Variants in PAN3 observed in about 807,000 individuals in gnomAD.
PAN3 encodes the protein poly(A) specific ribonuclease subunit PAN3.
A neutral mutation model predicts 96.2 loss-of-function variants in PAN3; 19 were observed. The observed-to-expected ratio is 0.20, with a 90% CI of 0.14 to 0.29. The LOEUF (loss-of-function observed/expected upper bound fraction) is 0.29, where lower values mean the gene tolerates loss of function less well. Ranked by LOEUF, PAN3 falls within the 10% of genes least tolerant of loss-of-function variation. PAN3 has a pLI of 1.00. For synonymous variants in PAN3, 433 were observed against 406.6 expected (o/e 1.06, Z -0.78); for missense variants, 882 against 1,108.1 (o/e 0.80, Z 2.90).
chr13:28,239,064 T>A (rs1381503454), intron 6 of PAN3, among the ~76,000 whole-genome samples: 1 of 151,928 alleles, frequency 6.6e-6, no homozygotes, highest in East Asian at 1.9e-4. Flanking sequence ...ATTTCACTAG[T>A]TCATTATGTA....
At chr13:28,174,759 C>T (rs1346506720) in intron 2 of PAN3, among the ~76,000 whole-genome samples, 9 of 152,170 alleles carry the variant, frequency 5.9e-5, no homozygotes, top group East Asian at 1.9e-4. Context: ...GCCTCCCTCT[C>T]GTCACTACTC....
chr13:28,154,333 G>A (rs1250303468), intron 1 of PAN3, among the ~76,000 whole-genome samples: 1 of 151,918 alleles, frequency 6.6e-6, no homozygotes, highest in Non-Finnish European at 1.5e-5. Flanking sequence ...TCTCAGCTGG[G>A]TACCTGTCGT....
chr13:28,267,208 C>A lies in PAN3; in HGVS notation c.1687C>A (p.Pro563Thr). The A allele has an allele frequency of 6.2e-7, 1 of 1,612,574 alleles. No individual in the cohort carries two copies. Among genetic ancestry groups the A allele is most frequent in the Non-Finnish European group, 8.5e-7 (1 of 1,178,716 alleles). The change falls in exon 11 of 19, where the codon CCC becomes ACC. Residue 563 changes from proline (P) to threonine (T), a missense_variant. This residue lies in a region of PAN3 where 364 missense variants were observed against 513.6 expected (regional missense o/e 0.71). Transcript: ENST00000380958. Reference sequence around the variant, plus strand: ...ATTTACCACTAAAGCATTTGCTGAGCCCTGTGAGTAACTTGTAATTTGTCT... The same window carrying A: ...ATTTACCACTAAAGCATTTGCTGAGACCTGTGAGTAACTTGTAATTTGTCT... ...EVFTTKAFAE[P>T]SLVFAYDFHA...
chr13:28,286,971 T>C (rs539866285), intron 17 of PAN3, among the ~76,000 whole-genome samples: 1 of 152,264 alleles, frequency 6.6e-6, no homozygotes, highest in African/African-American at 2.4e-5. Context: ...TTTAATTTTC[T>C]TCCCCCCATC....
At chr13:28,255,972 A>G (rs1050097933) in intron 6 of PAN3, among the ~76,000 whole-genome samples, 1 of 151,908 alleles carries the variant, frequency 6.6e-6, no homozygotes, top group Admixed American at 6.6e-5. Flanking sequence ...GTTACTTCCC[A>G]CTCTTCCATT....
At chr13:28,211,568 G>A (rs1323583379) in intron 5 of PAN3, among the ~76,000 whole-genome samples, 1 of 152,132 alleles carries the variant, frequency 6.6e-6, no homozygotes, top group South Asian at 2.1e-4. Flanking sequence ...ATTTGAAATG[G>A]TATTTGTAGA....
intron 5 of PAN3, among the ~76,000 whole-genome samples, chr13:28,211,004 A>G (rs1347555784): frequency 1.3e-5 from 2 of 152,094 alleles, no homozygotes; most frequent in African/African-American, 2.4e-5. Context: ...TCCTGGGCTC[A>G]AGCAGTTCTC....
intron 18 of PAN3, among the ~76,000 whole-genome samples, chr13:28,290,484 C>T (rs1869615368): frequency 6.6e-6 from 1 of 152,096 alleles, no homozygotes; most frequent in Non-Finnish European, 1.5e-5. Flanking sequence ...GAGTTTGAGA[C>T]CAGCCTGGCC....
chr13:28,285,050 T>C (rs1348362433), intron 17 of PAN3, among the ~76,000 whole-genome samples: 1 of 152,196 alleles, frequency 6.6e-6, no homozygotes, highest in African/African-American at 2.4e-5. Flanking sequence ...CTTTATATAG[T>C]TATAGCAATA....
At chr13:28,243,815 A>T (rs1319404284) in intron 6 of PAN3, among the ~76,000 whole-genome samples, 1 of 152,046 alleles carries the variant, frequency 6.6e-6, no homozygotes, top group Non-Finnish European at 1.5e-5. Flanking sequence ...CAGCCTCCTG[A>T]GTAGCTGGGA....
chr13:28,270,625 CT>C, intron 12 of PAN3, 75 bp from the exon 13 acceptor site: 1 of 1,459,444 alleles, frequency 6.9e-7, no homozygotes, highest in East Asian at 2.3e-5. Context: ...ATTGTCTTTG[CT>C]AATTTTGATG....
At chr13:28,204,484 C>G (rs1879118989) in intron 5 of PAN3, among the ~76,000 whole-genome samples, 1 of 152,100 alleles carries the variant, frequency 6.6e-6, no homozygotes, top group Admixed American at 6.5e-5. Context: ...CACCTTATCT[C>G]CTAAAGTTGA....
At chr13:28,248,967 T>C (rs971285429) in intron 6 of PAN3, among the ~76,000 whole-genome samples, 4 of 152,214 alleles carry the variant, frequency 2.6e-5, no homozygotes, top group Non-Finnish European at 4.4e-5. Context: ...GAACTGACCA[T>C]TGCATGTTAG....
At chr13:28,198,253 C>T (rs1172335164) in intron 5 of PAN3, among the ~76,000 whole-genome samples, 1 of 151,362 alleles carries the variant, frequency 6.6e-6, no homozygotes, top group Non-Finnish European at 1.5e-5. Flanking sequence ...ACCACTGCAC[C>T]CACTCCAGCC....
chr13:28,201,583 G>A (rs1878709714), intron 5 of PAN3, among the ~76,000 whole-genome samples: 1 of 151,314 alleles, frequency 6.6e-6, no homozygotes, highest in Non-Finnish European at 1.5e-5. Flanking sequence ...AAGAGACGGG[G>A]GAGTGGGGGT....
chr13:28,173,803 C>T (rs1183881970), intron 1 of PAN3, among the ~76,000 whole-genome samples: 1 of 152,196 alleles, frequency 6.6e-6, no homozygotes, highest in Non-Finnish European at 1.5e-5. Flanking sequence ...TGAATGCCAT[C>T]CTATTGCTAC....
chr13:28,234,124 G>A (rs939951091), intron 6 of PAN3, among the ~76,000 whole-genome samples: 1 of 152,184 alleles, frequency 6.6e-6, no homozygotes, highest in Non-Finnish European at 1.5e-5. Context: ...CAGTTAAGAA[G>A]CACTAGTGTG....
chr13:28,287,596 TTTTTCTA>T (rs1332176398), intron 17 of PAN3, among the ~76,000 whole-genome samples: 3 of 152,212 alleles, frequency 2.0e-5, no homozygotes, highest in African/African-American at 7.2e-5. Flanking sequence ...TTCCTAAACA[TTTTTCTA>T]TTTTATGCTT....
chr13:28,271,474 G>A (rs936997288), intron 13 of PAN3, among the ~76,000 whole-genome samples: 7 of 152,074 alleles, frequency 4.6e-5, no homozygotes, highest in Non-Finnish European at 7.4e-5. Context: ...GTTTACTGTC[G>A]ATATGCCGTT....
Sources: gnomAD v4.1 joint callset for allele counts (sites outside exome capture counted in the v4.1 genomes callset) on GRCh38, gnomAD v4.1.1 for gene constraint, gnomAD v4.1.1 regional missense constraint, MANE v1.5 for transcripts, NCBI Gene and HGNC (gene_info 2026-07-23, HGNC 2026-07-21) for gene names.